AGTPBP1: variants seen among roughly 807,000 people sequenced by gnomAD.
AGTPBP1 encodes ATP/GTP binding carboxypeptidase 1, also known as cytosolic carboxypeptidase 1.
A neutral mutation model predicts 143.9 loss-of-function variants in AGTPBP1; 70 were observed. The ratio of observed to expected loss-of-function variants is 0.49; its 90% CI spans 0.40 to 0.59. The LOEUF (loss-of-function observed/expected upper bound fraction) is 0.59, where lower values mean the gene tolerates loss of function less well. Among genes scored for constraint, AGTPBP1 ranks in the 20% least tolerant of loss-of-function variants. The pLI, the probability that AGTPBP1 is intolerant of heterozygous loss-of-function variation, is 0.00. For synonymous variants in AGTPBP1, 463 were observed against 500.2 expected (o/e 0.93, Z 0.99); for missense variants, 1,229 against 1,464.5 (o/e 0.84, Z 2.62).
At chr9:85,666,418 G>A (rs145872726) in intron 8 of AGTPBP1, among the ~76,000 whole-genome samples, 1 of 152,118 alleles carries the variant, frequency 6.6e-6, no homozygotes, top group African/African-American at 2.4e-5. Flanking sequence ...GAAAGCGTTA[G>A]ATGTCTGAGG....
At chr9:85,601,604 G>C (rs1037066009) in intron 17 of AGTPBP1, among the ~76,000 whole-genome samples, 1 of 152,166 alleles carries the variant, frequency 6.6e-6, no homozygotes, top group African/African-American at 2.4e-5. Flanking sequence ...CTGCTTAGGA[G>C]GCAGAGGGTT....
intron 23 of AGTPBP1, among the ~76,000 whole-genome samples, chr9:85,583,802 A>C (rs1828433682): frequency 6.6e-6 from 1 of 152,182 alleles, no homozygotes; most frequent in Admixed American, 6.5e-5. Flanking sequence ...AATGTTGTCA[A>C]AATGAGCAAA....
chr9:85,774,055 A>G, the AGTPBP1 span: 29 of 1,489,172 alleles, frequency 1.9e-5, no homozygotes, highest in Middle Eastern at 1.7e-4. Context: ...CCCTTTTGAC[A>G]GTTATGTAAA....
At chr9:85,609,196 TTATG>T (rs1830165666) in intron 17 of AGTPBP1, among the ~76,000 whole-genome samples, 2 of 152,148 alleles carry the variant, frequency 1.3e-5, no homozygotes, top group Admixed American at 6.5e-5. Context: ...TGTGTAAATA[TTATG>T]TATGTATTAA....
At chr9:85,574,237 C>T (rs1827744740) in intron 25 of AGTPBP1, among the ~76,000 whole-genome samples, 1 of 151,974 alleles carries the variant, frequency 6.6e-6, no homozygotes, top group Non-Finnish European at 1.5e-5. Context: ...AAGGGCGGTG[C>T]AAGATGTGCT....
At chr9:85,741,586 C>A (rs1255421560) in intron 1 of AGTPBP1, 189 bp downstream of exon 1, 1 of 985,284 alleles carries the variant, frequency 1.0e-6, no homozygotes. Context: ...CAGGGCTTTC[C>A]CTCAAGACCG....
the AGTPBP1 span, among the ~76,000 whole-genome samples, chr9:85,754,655 C>CA: frequency 6.6e-6 from 1 of 151,826 alleles, no homozygotes; most frequent in Non-Finnish European, 1.5e-5. Context: ...TTTATGTAAG[C>CA]AAAAAATACT....
chr9:85,607,755 T>C (rs190018869), intron 17 of AGTPBP1, among the ~76,000 whole-genome samples: 2 of 152,232 alleles, frequency 1.3e-5, no homozygotes, highest in East Asian at 3.9e-4. Context: ...TAATGTACTA[T>C]AAATCACAGA....
the AGTPBP1 span, among the ~76,000 whole-genome samples, chr9:85,799,357 T>G: frequency 6.6e-6 from 1 of 152,128 alleles, no homozygotes; most frequent in Non-Finnish European, 1.5e-5. Flanking sequence ...ATAATGGGAT[T>G]GCTGGGTCAA....
At chr9:85,794,582 A>T in the AGTPBP1 span, among the ~76,000 whole-genome samples, 1 of 152,172 alleles carries the variant, frequency 6.6e-6, no homozygotes, top group Non-Finnish European at 1.5e-5. Context: ...TCGAAGTGTG[A>T]ATCCATGAAC....
chr9:85,721,275 C>T (rs1330676385), intron 1 of AGTPBP1, among the ~76,000 whole-genome samples: 2 of 152,088 alleles, frequency 1.3e-5, no homozygotes, highest in Non-Finnish European at 2.9e-5. Context: ...TAAAGTCTCC[C>T]ATTATTATTG....
intron 1 of AGTPBP1, among the ~76,000 whole-genome samples, chr9:85,729,649 T>C (rs1029546587): frequency 3.3e-5 from 5 of 151,736 alleles, no homozygotes; most frequent in Non-Finnish European, 5.9e-5. Context: ...TACAAGGGGT[T>C]AATATCTTAA....
chr9:85,570,172 G>T (rs932840548), intron 25 of AGTPBP1, among the ~76,000 whole-genome samples: 2 of 152,200 alleles, frequency 1.3e-5, no homozygotes, highest in African/African-American at 4.8e-5. Context: ...GTGTGGCTAT[G>T]CTGGACAAAA....
chr9:85,730,602 C>A (rs1175618712), intron 1 of AGTPBP1, among the ~76,000 whole-genome samples: 1 of 152,128 alleles, frequency 6.6e-6, no homozygotes, highest in Non-Finnish European at 1.5e-5. Flanking sequence ...AAACAGCATT[C>A]CCTGGTACCC....
chr9:85,579,691 A>G (rs995441493), intron 23 of AGTPBP1, among the ~76,000 whole-genome samples: 3 of 151,366 alleles, frequency 2.0e-5, no homozygotes, highest in South Asian at 2.1e-4. Flanking sequence ...AAATTGTGAT[A>G]CTGATATAGG....
At chr9:85,800,850 C>T in the AGTPBP1 span, among the ~76,000 whole-genome samples, 2 of 145,716 alleles carry the variant, frequency 1.4e-5, no homozygotes, top group African/African-American at 5.2e-5. Context: ...TGTAACGTGT[C>T]TTATCCTCAC....
intron 14 of AGTPBP1, among the ~76,000 whole-genome samples, chr9:85,626,968 G>C (rs1831339038): frequency 6.6e-6 from 1 of 152,130 alleles, no homozygotes; most frequent in Admixed American, 6.5e-5. Context: ...GATGGATTTG[G>C]CACACAGACC....
At chr9:85,600,463 G>C (rs911822950) in intron 17 of AGTPBP1, among the ~76,000 whole-genome samples, 1 of 152,156 alleles carries the variant, frequency 6.6e-6, no homozygotes, top group African/African-American at 2.4e-5. Flanking sequence ...ACTTAAAATA[G>C]ATCATCTAAG....
chr9:85,674,572 T>G (rs1834706042), intron 6 of AGTPBP1, among the ~76,000 whole-genome samples: 3 of 151,986 alleles, frequency 2.0e-5, no homozygotes. Context: ...CACAAAAATC[T>G]CAAAAGGGAG....
Sources: gnomAD v4.1 joint callset for allele counts (sites outside exome capture counted in the v4.1 genomes callset) on GRCh38, gnomAD v4.1.1 for gene constraint, MANE v1.5 for transcripts, NCBI Gene and HGNC (gene_info 2026-07-23, HGNC 2026-07-21) for gene names.